The following DRC1 variants were observed in gnomAD, a reference collection of about 807,000 sequenced individuals.
DRC1 encodes the protein dynein regulatory complex protein 1.
In DRC1, 74 loss-of-function variants were observed where a neutral mutation model predicts 98.7. That is an observed-to-expected ratio of 0.75 (90% confidence interval 0.62 to 0.91). The LOEUF is 0.91. Among genes scored for constraint, DRC1 ranks in the 40% least tolerant of loss-of-function variants. The pLI is 0.00. For synonymous variants in DRC1, 336 were observed against 334.1 expected, an observed-to-expected ratio of 1.01 and a Z score of -0.06; for missense variants, 875 against 886.0, an observed-to-expected ratio of 0.99 and a Z score of 0.16.
intron 6 of DRC1, 82 bp downstream of exon 6, chr2:26,430,954 C>CTTT: frequency 2.4e-6 from 1 of 424,508 alleles, no homozygotes; most frequent in Non-Finnish European, 3.8e-6. Context: ...TAGCCTTTTT[C>CTTT]TATCTTTTTT....
At chr2:26,406,930 C>A (rs375788906) in intron 1 of DRC1, among the ~76,000 whole-genome samples, 7 of 151,510 alleles carry the variant, frequency 4.6e-5, no homozygotes, top group South Asian at 4.2e-4. Context: ...TGATCCCCCC[C>A]ACCCCAGCCT....
intron 6 of DRC1, 81 bp downstream of exon 6, chr2:26,430,953 T>A: frequency 9.4e-7 from 1 of 1,060,822 alleles, no homozygotes; most frequent in Non-Finnish European, 1.3e-6. Context: ...CTAGCCTTTT[T>A]CTATCTTTTT....
rs199583175 is a variant in DRC1 at position 26,421,449 on chromosome 2, T to C, written c.356+49T>C. On this transcript the variant is annotated intron_variant, in intron 3 of 16. Transcript: ENST00000288710. ...CTGGTGGACATGAAGGTAATCTCCA[T>C]GGGTCCGGCAGTTCTCCCGAATTGT... is the stretch of plus-strand genomic sequence containing the variant. The C allele has an allele frequency of 9.1e-6, 14 of 1,534,178 alleles. No homozygotes were observed. The East Asian group carries it at 2.8e-4, about 30-fold the overall frequency.
intron 2 of DRC1, among the ~76,000 whole-genome samples, chr2:26,418,546 ATTATATATAAT>A (rs1258167105): frequency 8.8e-6 from 1 of 113,948 alleles, no homozygotes; most frequent in Admixed American, 1.2e-4. Context: ...TATATTATAA[ATTATATATAAT>A]TTATATATAA....
At position 26,454,436 on chromosome 2, in the gene DRC1, G is replaced by T. The variant is rs534975932; in HGVS notation, c.1920-211G>T. On this transcript the variant is annotated intron_variant, in intron 14 of 16. Coordinates refer to ENST00000288710, the MANE Select transcript of DRC1 (RefSeq NM_145038.5). The surrounding 1 kb of genome is among the most constrained non-coding windows in gnomAD (Gnocchi z 5.2). ...GAGAGAGAGGGGTGGATGAAGCACGGATTATGCCCTCACGAAGGTACCGGT... is the reference window on the plus strand; with the variant it reads ...GAGAGAGAGGGGTGGATGAAGCACGTATTATGCCCTCACGAAGGTACCGGT... Among the ~76,000 whole-genome samples, 1 of 152,296 alleles carries T rather than the reference G, an allele frequency of 6.6e-6. No individual in the cohort carries two copies. The highest frequency in any genetic ancestry group is 6.5e-5 in the Admixed American group (1 of 15,300).
intron 7 of DRC1, among the ~76,000 whole-genome samples, chr2:26,435,750 T>G (rs753896455): frequency 1.5e-4 from 23 of 151,472 alleles, no homozygotes; most frequent in East Asian, 5.8e-4. Flanking sequence ...ATATTCTCAT[T>G]CTTTTTTTTT....
At chr2:26,436,561 C>G (rs1464179107) in intron 7 of DRC1, among the ~76,000 whole-genome samples, 1 of 152,208 alleles carries the variant, frequency 6.6e-6, no homozygotes, top group African/African-American at 2.4e-5. Flanking sequence ...AATCCTCCCT[C>G]TTTGGTCTCC....
chr2:26,430,335 C>T (rs894328937), intron 5 of DRC1, among the ~76,000 whole-genome samples: 8 of 151,496 alleles, frequency 5.3e-5, no homozygotes, highest in African/African-American at 1.7e-4. Flanking sequence ...AGGTGGAGGC[C>T]TCTCTCTCTC....
chr2:26,439,691 G>A (rs913639053), intron 7 of DRC1, among the ~76,000 whole-genome samples: 3 of 151,562 alleles, frequency 2.0e-5, no homozygotes, highest in East Asian at 1.9e-4. Flanking sequence ...AGGGTCTGGC[G>A]GAAGTTAGCA....
chr2:26,435,414 A>G (rs1356211183), intron 7 of DRC1, among the ~76,000 whole-genome samples: 2 of 152,258 alleles, frequency 1.3e-5, no homozygotes, highest in African/African-American at 2.4e-5. Context: ...AAAATCAATT[A>G]CAGGTATTTT....
intron 2 of DRC1, among the ~76,000 whole-genome samples, chr2:26,415,669 C>A (rs1183021280): frequency 6.6e-6 from 1 of 152,134 alleles, no homozygotes; most frequent in South Asian, 2.1e-4. Flanking sequence ...CGGTGGCTCA[C>A]GTCTATGATC....
chr2:26,429,083 G>C (rs1219990563), intron 4 of DRC1, among the ~76,000 whole-genome samples: 1 of 152,084 alleles, frequency 6.6e-6, no homozygotes, highest in South Asian at 2.1e-4. Flanking sequence ...CTGGGTGCTT[G>C]TTAAGAGCTT....
intron 2 of DRC1, among the ~76,000 whole-genome samples, chr2:26,420,247 G>GTATT (rs1663092234): frequency 1.3e-5 from 2 of 152,174 alleles, no homozygotes; most frequent in Admixed American, 1.3e-4. Flanking sequence ...TGATCAGATA[G>GTATT]TATTCTAGGT....
At chr2:26,422,851 T>C (rs1020361009) in intron 3 of DRC1, among the ~76,000 whole-genome samples, 2 of 147,434 alleles carry the variant, frequency 1.4e-5, no homozygotes, top group African/African-American at 2.5e-5. Context: ...GCCCAGGAGG[T>C]GGACGTTGTA....
rs200560247 is a variant in DRC1, at chr2:26,424,316, C to A, written c.402C>A (p.Phe134Leu). Residue 134 changes from phenylalanine (F) to leucine (L), a missense_variant, in exon 4 of 17, where the codon TTC becomes TTA. Phe to Leu is a conservative substitution (Grantham distance 22, BLOSUM62 0). Transcript: ENST00000288710. The part of the protein sequence containing the change: ...ENEVKTSQDK[F>L]DEITSKWEEG... ...AAGTTAAGACCAGCCAGGACAAATT[C>A]GATGAAATCACCTCAAAGTGGGAAG... is the stretch of plus-strand genomic sequence containing the variant. 1.9e-6 allele frequency: 3 copies of A among 1,613,724 alleles called. No homozygotes were observed. Among genetic ancestry groups the A allele is most frequent in the Non-Finnish European group, 2.5e-6 (3 of 1,180,008 alleles).
At chr2:26,427,745 GCTAA>G (rs960572237) in intron 4 of DRC1, among the ~76,000 whole-genome samples, 11 of 151,900 alleles carry the variant, frequency 7.2e-5, no homozygotes, top group Non-Finnish European at 1.0e-4. Flanking sequence ...CTCAGTCTCT[GCTAA>G]CTATCATTCT....
rs191755269 is a variant in DRC1, at chr2:26,427,631, T to C, written c.541-1997T>C. ...AATGTACAATAAATCTAGCTGACCTTAGTCACGCTGTTATGCTGTCAAATA... is the reference window on the plus strand; with the variant it reads ...AATGTACAATAAATCTAGCTGACCTCAGTCACGCTGTTATGCTGTCAAATA... On this transcript the variant is annotated intron_variant, in intron 4 of 16. Coordinates refer to ENST00000288710, the MANE Select transcript of DRC1 (RefSeq NM_145038.5). Among the ~76,000 whole-genome samples, 22 of 152,282 alleles carry C rather than the reference T, an allele frequency of 1.4e-4. No individual in the cohort carries two copies. The East Asian group carries it at 4.1e-3, about 28-fold the overall frequency.
chr2:26,429,426 G>C (rs1360964854), intron 4 of DRC1, among the ~76,000 whole-genome samples: 1 of 151,774 alleles, frequency 6.6e-6, no homozygotes, highest in Non-Finnish European at 1.5e-5. Flanking sequence ...CATACTACCC[G>C]GGCTGGTCTC....
chr2:26,450,044 C>G lies in DRC1; in HGVS notation c.1558C>G (p.Gln520Glu). The change falls in exon 12 of 17, where the codon CAG (glutamine) becomes GAG (glutamate). Residue 520 changes from glutamine (Q) to glutamate (E), a missense_variant. Physicochemically the swap from Gln to Glu is conservative, Grantham distance 29. Coordinates refer to ENST00000288710, the MANE Select transcript of DRC1 (RefSeq NM_145038.5). ...GCTGAGCCTTCTCCTGCCCCTGGAG[C>G]AGAATGAATGCTATCTGCTGAGGCT... ...KLLSLLLPLE[Q>E]NECYLLRLDA... 6.2e-7 allele frequency: 1 copy of G among 1,613,850 alleles called. No homozygotes were observed. Among genetic ancestry groups the G allele is most frequent in the Non-Finnish European group, 8.5e-7 (1 of 1,179,968 alleles).
Sources: allele counts gnomAD v4.1 joint callset (sites outside exome capture counted in the v4.1 genomes callset), GRCh38; gene constraint gnomAD v4.1.1; non-coding constraint Gnocchi (gnomAD v3.1); transcripts MANE v1.5; gene names NCBI Gene and HGNC (gene_info 2026-07-23, HGNC 2026-07-21).